TTN: variants seen among roughly 807,000 people sequenced by gnomAD.
TTN encodes connectin.
Under a neutral mutation model 3,223.0 loss-of-function variants are expected in TTN, and 1,525 were observed. That is an observed-to-expected ratio of 0.47 (90% CI 0.45 to 0.49). The LOEUF (loss-of-function observed/expected upper bound fraction) is 0.49. TTN is among the 20% of genes least tolerant of loss of function. The pLI, the probability that TTN is intolerant of heterozygous loss-of-function variation, is 0.00. For missense variants in TTN, 40,786 were observed against 43,424.0 expected (o/e 0.94, Z 5.40); for synonymous variants, 14,094 against 15,161.0 (o/e 0.93, Z 5.17).
chr2:178,646,555 A>G lies in TTN; in HGVS notation c.40227T>C (p.Arg13409=), dbSNP rs3754951. ...GRKETPPVEE[R]EIEKYIKPEE... ...CAGGTTTAATATACTTTTCAATTTC[A>G]CGTTCTTTAAAGAATGTTGACAAAG... Residue 13409 remains arginine, a synonymous_variant, in exon 216 of 363, where the codon CGT becomes CGC. Coordinates refer to ENST00000589042, the MANE Select transcript of TTN (RefSeq NM_001267550.2). 43 of 1,542,848 alleles carry G rather than the reference A, an allele frequency of 2.8e-5. No homozygotes were observed. In the East Asian group the frequency reaches 9.8e-4, roughly 35 times the overall value.
intron 131 of TTN, 84 bp from the exon 132 acceptor site, chr2:178,684,497 A>G: frequency 6.8e-7 from 1 of 1,468,616 alleles, no homozygotes; most frequent in South Asian, 1.2e-5. Context: ...TGATTTTAGA[A>G]TAGAAGAATT....
chr2:178,648,187 C>T (rs747565201), intron 213 of TTN, among the ~76,000 whole-genome samples: 5 of 152,074 alleles, frequency 3.3e-5, no homozygotes, highest in Non-Finnish European at 5.9e-5. Context: ...CTATTGCCTA[C>T]AGAAAAAAGT....
chr2:178,593,601 C>T lies in TTN; in HGVS notation c.58699G>A (p.Val19567Met), dbSNP rs1448926202. ...TCTTTGGCTTTCATTGAATCAGACA[C>T]CAGAGGATCACTTATTCCATACAGA... is the stretch of plus-strand genomic sequence containing the variant. ...ENLYGISDPL[V>M]SDSMKAKDRF... The change falls in exon 298 of 363, where the codon GTG (valine) becomes ATG (methionine). Residue 19567 changes from valine (V) to methionine (M), a missense_variant. Transcript: ENST00000589042. The T allele has an allele frequency of 1.2e-6, 2 of 1,612,570 alleles. No individual in the cohort carries two copies. The highest frequency in any genetic ancestry group is 2.7e-5 in the African/African-American group (2 of 74,844).
chr2:178,766,128 G>A (rs2090360908), intron 41 of TTN, among the ~76,000 whole-genome samples: 4 of 152,120 alleles, frequency 2.6e-5, no homozygotes, highest in Admixed American at 2.6e-4. Context: ...ACACCCAATG[G>A]GTGTTCAATA....
chr2:178,649,961 A>T (rs528248579), intron 210 of TTN, 67 bp from the exon 211 acceptor site: 3 of 1,524,240 alleles, frequency 2.0e-6, no homozygotes, highest in African/African-American at 1.4e-5. Flanking sequence ...TAATGAATGA[A>T]TTAAAAACCA....
In TTN at chr2:178,534,281, A is replaced by G; in HGVS notation, c.102334T>C (p.Ser34112Pro). 6.2e-7 allele frequency: 1 copy of G among 1,613,920 alleles called. No individual in the cohort carries two copies. Among genetic ancestry groups the G allele is most frequent in the Non-Finnish European group, 8.5e-7 (1 of 1,179,844 alleles). ...TGAGATCGAATTGCACCACCACAGG[A>G]GATCCGGGCTGCTGACACAACCATG... Reference protein sequence around the residue: ...LNMVVSAARISCGGAIRSQKG... With the variant: ...LNMVVSAARIPCGGAIRSQKG... Residue 34112 changes from serine to proline, a missense_variant, in exon 358 of 363, where the codon TCC becomes CCC. Transcript: ENST00000589042.
Position 178,710,850 on chromosome 2 carries a change from A to T in TTN, c.28247T>A (p.Phe9416Tyr), listed in dbSNP as rs879120584. ...VDAVVGESAD[F>Y]ECHVTGTQPI... ...TTGTGTGCCCGTGACGTGGCACTCA[A>T]AGTCAGCACTTTCTCCCACCACAGC... Residue 9416 changes from phenylalanine (F) to tyrosine (Y), a missense_variant, in exon 98 of 363, where the codon TTT becomes TAT. Physicochemically the swap from Phe to Tyr is conservative, Grantham distance 22 (BLOSUM62 3). Coordinates refer to ENST00000589042, the MANE Select transcript of TTN (RefSeq NM_001267550.2). The T allele has an allele frequency of 6.2e-6, 10 of 1,613,742 alleles. No individual in the cohort carries two copies. Among genetic ancestry groups the T allele is most frequent in the Admixed American group, 3.3e-5 (2 of 59,982 alleles).
In TTN at chr2:178,740,031, C is replaced by T. The variant is rs200431386; in HGVS notation, c.13202G>A (p.Arg4401Gln). The change falls in exon 48 of 363, where the codon CGG becomes CAG. Residue 4401 changes from arginine to glutamine, a missense_variant. Arg to Gln is a conservative substitution (Grantham distance 43). Coordinates refer to ENST00000589042, the MANE Select transcript of TTN (RefSeq NM_001267550.2). ...QRLNLKIQIC[R>Q]ALQAAVASEQ... The stretch of plus-strand genomic sequence containing the variant: ...GCTGGCCACGGCTGCTTGCAAAGCC[C>T]GGCAGATTTGAATTTTCAGGTTTAA... The T allele has an allele frequency of 2.4e-4, 385 of 1,613,784 alleles. 1 individual carries two copies. In the African/African-American group the frequency reaches 3.9e-3, roughly 16 times the overall value.
rs748896239 is a variant in TTN, at chr2:178,594,387, T to C, written c.58107A>G (p.Lys19369=). 1 of 1,603,158 alleles carries C rather than the reference T, an allele frequency of 6.2e-7. No individual in the cohort carries two copies. The highest frequency in any genetic ancestry group is 1.7e-5 in the Admixed American group (1 of 58,818). ...VSAVNIVGQG[K]PSFCTKPITC... is the part of the protein sequence containing the mutation. ...TAATTGGTTTGGTGCAAAATGATGG[T>C]TTGCCTTGTCCAACAATGTTGACAG... Residue 19369 remains lysine (K), a synonymous_variant, in exon 296 of 363, where the codon AAA becomes AAG. Transcript: ENST00000589042.
In TTN at chr2:178,605,234, T is replaced by A. The variant is rs367580862; in HGVS notation, c.53943A>T (p.Gly17981=). 3.5e-5 allele frequency: 57 copies of A among 1,610,392 alleles called. 1 individual carries two copies. Among genetic ancestry groups the A allele is most frequent in the Non-Finnish European group, 1.8e-5 (21 of 1,178,334 alleles). ...VRGDTIKVKA[G]EPVHIPADVT... ...CATCTGCAGGGATGTGGACAGGCTCTCCTGCCTTAACTTTGATAGTGTCTC... is the reference window on the plus strand; with the variant it reads ...CATCTGCAGGGATGTGGACAGGCTCACCTGCCTTAACTTTGATAGTGTCTC... The change falls in exon 280 of 363, where the codon GGA becomes GGT. Residue 17981 remains glycine, a synonymous_variant. Coordinates refer to ENST00000589042, the MANE Select transcript of TTN (RefSeq NM_001267550.2).
chr2:178,527,771 A>G, intron 361 of TTN, 23 bp from the exon 362 acceptor site: 1 of 1,542,022 alleles, frequency 6.5e-7, no homozygotes, highest in Non-Finnish European at 8.7e-7. Context: ...GCAGATACAC[A>G]GTGAACATCA....
At position 178,558,561 on chromosome 2, in the gene TTN, A is replaced by G; in HGVS notation, c.86898T>C (p.Pro28966=). 6.2e-7 allele frequency: 1 copy of G among 1,613,804 alleles called. No individual in the cohort carries two copies. Among genetic ancestry groups the G allele is most frequent in the Non-Finnish European group, 8.5e-7 (1 of 1,179,806 alleles). Residue 28966 remains proline (P), a synonymous_variant, in exon 327 of 363, where the codon CCT becomes CCC. Coordinates refer to ENST00000589042, the MANE Select transcript of TTN (RefSeq NM_001267550.2). ...KDSVSLTWLK[P]EHDGGSRIVH... ...CAATTCTGCTTCCGCCATCATGTTC[A>G]GGCTTCAGCCAGGTCAGGGAAACAC... is the stretch of plus-strand genomic sequence containing the variant.
At chr2:178,618,907 A>T in intron 250 of TTN, 54 bp from the exon 251 acceptor site, 2 of 1,574,104 alleles carry the variant, frequency 1.3e-6, no homozygotes, top group Non-Finnish European at 1.7e-6. Context: ...TAGCCAAGCT[A>T]CATCATGTTA....
rs776836480 is a variant in TTN at position 178,705,188 on chromosome 2, C to G, written c.29590G>C (p.Glu9864Gln). ...FELLKQSQEE[E>Q]THRLEIEEIE... is the part of the protein sequence containing the mutation. Reference sequence around the variant, plus strand: ...AAGGAGCATACCAGTCTATGTGTCTCTTCTTCTTGGCTTTGCTTGAGCAGT... The same window carrying G: ...AAGGAGCATACCAGTCTATGTGTCTGTTCTTCTTGGCTTTGCTTGAGCAGT... The change falls in exon 103 of 363, where the codon GAG (glutamate) becomes CAG (glutamine). Residue 9864 changes from glutamate to glutamine, a missense_variant. Transcript: ENST00000589042. The G allele has an allele frequency of 2.5e-6, 4 of 1,613,256 alleles. No individual in the cohort carries two copies. Among genetic ancestry groups the G allele is most frequent in the Non-Finnish European group, 3.4e-6 (4 of 1,179,556 alleles).
Position 178,733,718 on chromosome 2 carries a change from A to C in TTN, c.15671T>G (p.Val5224Gly). The stretch of plus-strand genomic sequence containing the variant: ...AATCTGAACATCAGGGATTATCAAG[A>C]CTGCAACACCATTGGAAAAGCTCAT... ...IKMSFSNGVA[V>G]LIIPDVQISF... The change falls in exon 53 of 363, where the codon GTC (valine) becomes GGC (glycine). Residue 5224 changes from valine (V) to glycine (G), a missense_variant. Physicochemically the swap from Val to Gly is moderately radical, Grantham distance 109. Transcript: ENST00000589042. 3 of 1,613,874 alleles carry C rather than the reference A, an allele frequency of 1.9e-6. No individual in the cohort carries two copies. The highest frequency in any genetic ancestry group is 2.5e-6 in the Non-Finnish European group (3 of 1,179,800).
Position 178,693,668 on chromosome 2 carries a change from AT to A in TTN, c.31534del (p.Ile10512LeufsTer113). On this transcript the variant is annotated frameshift_variant, in exon 119 of 363. Transcript: ENST00000589042. LOFTEE classifies it high-confidence loss of function. ...AACGTGAATTTTCTCTTCAGTAACA[AT>A]TTCCTTTTGTACCTCGGGGACTTAA... ...SVTVPEVQKE[I>X]VTEEKIHVAI... The A allele has an allele frequency of 1.9e-6, 3 of 1,600,296 alleles. No individual in the cohort carries two copies. The highest frequency in any genetic ancestry group is 2.6e-6 in the Non-Finnish European group (3 of 1,170,458).
intron 47 of TTN, chr2:178,745,189 C>T (rs2083250923): frequency 6.0e-6 from 6 of 1,001,924 alleles, no homozygotes; most frequent in African/African-American, 1.7e-5. Flanking sequence ...AATTTGTCTG[C>T]GTGGTCATCT....
chr2:178,588,027 C>A lies in TTN; in HGVS notation c.63380G>T (p.Arg21127Leu), dbSNP rs201226615. The A allele has an allele frequency of 1.9e-6, 3 of 1,612,946 alleles. No homozygotes were observed. Among genetic ancestry groups the A allele is most frequent in the Non-Finnish European group, 1.7e-6 (2 of 1,179,356 alleles). The change falls in exon 305 of 363, where the codon CGC becomes CTC. Residue 21127 changes from arginine (R) to leucine (L), a missense_variant. Transcript: ENST00000589042. The part of the protein sequence containing the change: ...KRCNAAAQLV[R>L]KEFTVTSLDE... ...CAAGCTGGTAACAGTGAATTCCTTGCGTACAAGCTGTGCTGCAGCATTACA... is the reference window on the plus strand; with the variant it reads ...CAAGCTGGTAACAGTGAATTCCTTGAGTACAAGCTGTGCTGCAGCATTACA...
intron 92 of TTN, 24 bp from the exon 93 acceptor site, chr2:178,713,396 A>AACAAC: frequency 6.8e-7 from 1 of 1,469,396 alleles, no homozygotes; most frequent in Non-Finnish European, 9.0e-7. Flanking sequence ...AACAAAACAA[A>AACAAC]ACAAAACAAA....
Sources: allele counts gnomAD v4.1 joint callset (sites outside exome capture counted in the v4.1 genomes callset), GRCh38; gene constraint gnomAD v4.1.1; transcripts MANE v1.5; gene names NCBI Gene and HGNC (gene_info 2026-07-23, HGNC 2026-07-21).